CFAP119: variants seen among roughly 807,000 people sequenced by gnomAD.
CFAP119 encodes the protein cilia- and flagella-associated protein 119.
At chr16:30,757,893 G>C in the CFAP119 span, 1 of 1,193,012 alleles carries the variant, frequency 8.4e-7, no homozygotes, top group Non-Finnish European at 1.1e-6. Context: ...TGTGACCTTA[G>C]GCAGGTTATT....
the CFAP119 span, chr16:30,761,594 G>A: frequency 2.6e-6 from 4 of 1,536,144 alleles, no homozygotes; most frequent in Non-Finnish European, 3.5e-6. Context: ...CGCCGCCGCC[G>A]TCGTCCACTG....
chr16:30,761,451 C>T, the CFAP119 span: 7 of 1,498,178 alleles, frequency 4.7e-6, no homozygotes, highest in Non-Finnish European at 6.3e-6. Flanking sequence ...GCCCGGGAGA[C>T]GTCCCGAACG....
the CFAP119 span, chr16:30,760,971 C>T: frequency 1.6e-6 from 1 of 613,480 alleles, no homozygotes; most frequent in East Asian, 2.7e-5. Context: ...TACTCCTTAG[C>T]GGCCATGAGA....
chr16:30,759,298 G>A, the CFAP119 span: 1 of 1,612,922 alleles, frequency 6.2e-7, no homozygotes, highest in Non-Finnish European at 8.5e-7. Flanking sequence ...GTGCTGAGGG[G>A]AGGGGCGGTT....
At chr16:30,760,120 T>C in the CFAP119 span, 1 of 1,547,656 alleles carries the variant, frequency 6.5e-7, no homozygotes, top group South Asian at 1.2e-5. Context: ...AATTTCTAGA[T>C]AAGGAAGCAG....
chr16:30,758,915 A>C, the CFAP119 span: 2 of 1,535,972 alleles, frequency 1.3e-6, no homozygotes, highest in Non-Finnish European at 1.7e-6. Context: ...AAGGACTCTG[A>C]CTAAAAACAA....
the CFAP119 span, chr16:30,760,883 C>CT: frequency 1.6e-6 from 1 of 620,954 alleles, no homozygotes; most frequent in East Asian, 2.7e-5. Context: ...ATCTTGAATT[C>CT]TTTTTTCTGC....
the CFAP119 span, chr16:30,761,926 G>T: frequency 1.6e-6 from 1 of 642,408 alleles, no homozygotes; most frequent in East Asian, 2.9e-5. Flanking sequence ...TCTCAACGGC[G>T]ACGGTTGCCA....
chr16:30,757,568 TGAGCCGCTCCTCCACCAGCCCCTG>T, the CFAP119 span: 26 of 1,614,110 alleles, frequency 1.6e-5, no homozygotes, highest in African/African-American at 2.7e-4. Flanking sequence ...TCGCTGGCCT[TGAGCCGCTCCTCCACCAGCCCCTG>T]GAGCTGCTCC....
the CFAP119 span, chr16:30,759,026 G>A: frequency 6.2e-7 from 1 of 1,614,196 alleles, no homozygotes; most frequent in Non-Finnish European, 8.5e-7. Context: ...CTCTGGCTCT[G>A]GTGGGGCCAC....
chr16:30,760,274 C>T, the CFAP119 span: 2 of 1,614,160 alleles, frequency 1.2e-6, no homozygotes, highest in Non-Finnish European at 1.7e-6. Context: ...TGGTAGCTGC[C>T]CCCTCTCACC....
chr16:30,760,932 T>G, the CFAP119 span: 1 of 610,696 alleles, frequency 1.6e-6, no homozygotes, highest in East Asian at 2.7e-5. Flanking sequence ...AAGTACTCCC[T>G]GTGGCCCTCA....
At chr16:30,759,073 C>A in the CFAP119 span, 1 of 1,614,236 alleles carries the variant, frequency 6.2e-7, no homozygotes, top group Non-Finnish European at 8.5e-7. Flanking sequence ...TAACTGCCTG[C>A]TCCTCCATCT....
At chr16:30,761,321 A>G in the CFAP119 span, 9 of 1,567,294 alleles carry the variant, frequency 5.7e-6, no homozygotes, top group African/African-American at 1.4e-5. Context: ...GTAACTTGCC[A>G]TCTCATCTCA....
At chr16:30,761,385 T>A in the CFAP119 span, 1 of 1,375,584 alleles carries the variant, frequency 7.3e-7, no homozygotes. Context: ...CTAGGTGCTC[T>A]ACGCGAGCAC....
chr16:30,759,303 G>A, the CFAP119 span: 2 of 1,612,760 alleles, frequency 1.2e-6, no homozygotes, highest in South Asian at 1.1e-5. Context: ...GAGGGGAGGG[G>A]CGGTTGAGGG....
chr16:30,761,952 G>T, the CFAP119 span: 2 of 590,056 alleles, frequency 3.4e-6, no homozygotes, highest in Non-Finnish European at 5.8e-6. Flanking sequence ...GCTTGTGAGG[G>T]AAGGAAGGCG....
the CFAP119 span, chr16:30,761,607 T>G: frequency 3.9e-6 from 6 of 1,536,076 alleles, no homozygotes; most frequent in East Asian, 2.4e-5. Flanking sequence ...GTCCACTGAG[T>G]CCGCACACTC....
chr16:30,761,867 A>G, the CFAP119 span: 75 of 996,510 alleles, frequency 7.5e-5, 1 homozygote, highest in Non-Finnish European at 9.8e-5. Context: ...CGGCCAATCT[A>G]CGCGCGGAGA....
Sources: gnomAD v4.1 joint callset for allele counts on GRCh38, gnomAD v4.1.1 for gene constraint, MANE v1.5 for transcripts, NCBI Gene and HGNC (gene_info 2026-07-23, HGNC 2026-07-21) for gene names.